Variants in AGAP1 observed in about 807,000 individuals in gnomAD.
The protein encoded by AGAP1 is arf-GAP with GTPase, ANK repeat and PH domain-containing protein 1.
Under a neutral mutation model 105.3 loss-of-function variants are expected in AGAP1, and 29 were observed. That is an observed-to-expected ratio of 0.28 (90% confidence interval 0.21 to 0.38). The LOEUF (loss-of-function observed/expected upper bound fraction) is 0.38. Among genes scored for constraint, AGAP1 ranks in the 10% least tolerant of loss-of-function variants. The pLI, the probability that AGAP1 is intolerant of heterozygous loss-of-function variation, is 1.00. For missense variants in AGAP1, 998 were observed against 1,165.1 expected, an observed-to-expected ratio of 0.86 and a Z score of 2.09; for synonymous variants, 509 against 485.9, an observed-to-expected ratio of 1.05 and a Z score of -0.63.
At chr2:236,016,399 T>A (rs1054630420) in intron 13 of AGAP1, among the ~76,000 whole-genome samples, 1 of 125,046 alleles carries the variant, frequency 8.0e-6, no homozygotes, top group Non-Finnish European at 1.7e-5. Flanking sequence ...TTTTTTTTTT[T>A]TGTATGCATG....
chr2:235,748,528 C>T (rs1009017453), intron 5 of AGAP1, among the ~76,000 whole-genome samples: 8 of 152,160 alleles, frequency 5.3e-5, no homozygotes, highest in African/African-American at 1.4e-4. Context: ...ATCCCTGGAA[C>T]GGGGGTGCAG....
In AGAP1 at chr2:235,927,105, G is replaced by A. The variant is rs2052485051; in HGVS notation, c.1325-3660G>A. On this transcript the variant is annotated intron_variant, in intron 11 of 17. Coordinates refer to ENST00000304032, the MANE Select transcript of AGAP1 (RefSeq NM_001037131.3). This position sits in a 1 kb window ranked among gnomAD's most constrained non-coding sequence, Gnocchi z 4.4. The stretch of plus-strand genomic sequence containing the variant: ...TTGTCCATGTATACACCTTGATGTG[G>A]CCCAAATTCAGTCATGCTGTTTCAG... Among the ~76,000 whole-genome samples, 1 of 152,206 alleles carries A rather than the reference G, an allele frequency of 6.6e-6. No individual in the cohort carries two copies. The highest frequency in any genetic ancestry group is 1.5e-5 in the Non-Finnish European group (1 of 68,040).
At chr2:235,738,990 C>T (rs891262517) in intron 3 of AGAP1, among the ~76,000 whole-genome samples, 26 of 152,144 alleles carry the variant, frequency 1.7e-4, no homozygotes, top group African/African-American at 5.8e-4. Flanking sequence ...ACTTTTCTGT[C>T]GTAAGCAGGC....
chr2:235,509,210 A>C (rs1288754500), intron 1 of AGAP1, among the ~76,000 whole-genome samples: 1 of 151,558 alleles, frequency 6.6e-6, no homozygotes, highest in Non-Finnish European at 1.5e-5. Context: ...CTGTTTAGAG[A>C]AGTGTTTTTT....
chr2:235,928,304 G>A (rs1168483813), intron 11 of AGAP1, among the ~76,000 whole-genome samples: 1 of 152,212 alleles, frequency 6.6e-6, no homozygotes, highest in African/African-American at 2.4e-5. Context: ...ACCTTCGATG[G>A]GTGGATGTGT....
In AGAP1 at chr2:236,049,095, T is replaced by C; in HGVS notation, c.1928T>C (p.Met643Thr). The C allele has an allele frequency of 1.2e-6, 2 of 1,614,234 alleles. No individual in the cohort carries two copies. Among genetic ancestry groups the C allele is most frequent in the South Asian group, 2.2e-5 (2 of 91,084 alleles). ...NWASLNLGALMCIECSGIHRN... is the reference protein window; with the variant it reads ...NWASLNLGALTCIECSGIHRN... ...GCCAGTTTGAACTTGGGAGCCCTCATGTGCATCGAATGCTCAGGGATCCAC... is the reference window on the plus strand; with the variant it reads ...GCCAGTTTGAACTTGGGAGCCCTCACGTGCATCGAATGCTCAGGGATCCAC... The change falls in exon 16 of 18, where the codon ATG (methionine) becomes ACG (threonine). Residue 643 changes from methionine to threonine, a missense_variant. Met to Thr is a moderately conservative substitution (Grantham distance 81). Around this residue, in one of 3 missense-constraint regions of AGAP1, gnomAD observed 28 missense variants for 61.0 expected, o/e 0.46. Coordinates refer to ENST00000304032, the MANE Select transcript of AGAP1 (RefSeq NM_001037131.3).
Position 235,518,937 on chromosome 2 carries a change from AG to A in AGAP1, c.163+24090del, listed in dbSNP as rs1942507558. Among the ~76,000 whole-genome samples, 5 of 152,296 alleles carry A rather than the reference AG, an allele frequency of 3.3e-5. No individual in the cohort carries two copies. The South Asian group carries it at 1.0e-3, about 32-fold the overall frequency. ...CCTCAGTGGCAGGGGCAGCAACAGG[AG>A]GCTGCGGCCAGTTGGCTTCACACTG... On this transcript the variant is annotated intron_variant, in intron 1 of 17. Coordinates refer to ENST00000304032, the MANE Select transcript of AGAP1 (RefSeq NM_001037131.3).
At chr2:235,632,071 ATTC>A (rs1201914197) in intron 1 of AGAP1, among the ~76,000 whole-genome samples, 1 of 152,194 alleles carries the variant, frequency 6.6e-6, no homozygotes, top group African/African-American at 2.4e-5. Flanking sequence ...TAAGAGAAAT[ATTC>A]TTCTGTCTTG....
At chr2:235,819,682 G>A (rs574266641) in intron 9 of AGAP1, among the ~76,000 whole-genome samples, 16 of 152,012 alleles carry the variant, frequency 1.1e-4, no homozygotes, top group African/African-American at 3.1e-4. Context: ...ATGCCCGTCC[G>A]ATCTTGGGAT....
At chr2:235,998,580 A>G (rs2055915259) in intron 13 of AGAP1, among the ~76,000 whole-genome samples, 2 of 149,132 alleles carry the variant, frequency 1.3e-5, no homozygotes, top group Admixed American at 6.7e-5. Context: ...CTTTCTAAAT[A>G]TAAGTCTATG....
intron 9 of AGAP1, among the ~76,000 whole-genome samples, chr2:235,815,701 G>A (rs890367916): frequency 6.6e-6 from 1 of 152,168 alleles, no homozygotes; most frequent in African/African-American, 2.4e-5. Context: ...TACTTGAAGA[G>A]GCCGCATGCG....
Position 236,040,893 on chromosome 2 carries a change from A to G in AGAP1, c.1891+52A>G, listed in dbSNP as rs1480531540. 8 of 1,591,252 alleles carry G rather than the reference A, an allele frequency of 5.0e-6. No homozygotes were observed. Among genetic ancestry groups the G allele is most frequent in the African/African-American group, 1.3e-5 (1 of 74,616 alleles). ...CTGGCGCTGTGTAGCTGGAGACCAC[A>G]TGGTCCCACTAGGCCCGGGTTGCAG... On this transcript the variant is annotated intron_variant, in intron 15 of 17. Transcript: ENST00000304032. This position sits in a 1 kb window ranked among gnomAD's most constrained non-coding sequence, Gnocchi z 5.6.
chr2:235,757,010 C>A (rs1468682643), intron 6 of AGAP1, among the ~76,000 whole-genome samples: 1 of 152,060 alleles, frequency 6.6e-6, no homozygotes, highest in African/African-American at 2.4e-5. Context: ...TTGTTAAATC[C>A]CAGTTCAGAA....
At position 235,557,311 on chromosome 2, in the gene AGAP1, C is replaced by T. The variant is rs1343264292; in HGVS notation, c.163+62462C>T. ...CTTTCATGGGATCACAGTTTGTTCA[C>T]CTTGGAAGCTGTTGCTCACCGCGTG... is the stretch of plus-strand genomic sequence containing the variant. On this transcript the variant is annotated intron_variant, in intron 1 of 17. Coordinates refer to ENST00000304032, the MANE Select transcript of AGAP1 (RefSeq NM_001037131.3). The surrounding 1 kb of genome is among the most constrained non-coding windows in gnomAD (Gnocchi z 4.7). Among the ~76,000 whole-genome samples the T allele has an allele frequency of 1.3e-5, 2 of 152,038 alleles. No individual in the cohort carries two copies. Among genetic ancestry groups the T allele is most frequent in the Non-Finnish European group, 2.9e-5 (2 of 68,006 alleles).
In AGAP1 at chr2:235,792,871, G is replaced by A. The variant is rs1195986315; in HGVS notation, c.674-4888G>A. Among the ~76,000 whole-genome samples, 3 of 152,162 alleles carry A rather than the reference G, an allele frequency of 2.0e-5. No individual in the cohort carries two copies. The highest frequency in any genetic ancestry group is 2.1e-4 in the South Asian group (1 of 4,832). On this transcript the variant is annotated intron_variant, in intron 6 of 17. Transcript: ENST00000304032. The surrounding 1 kb of genome is among the most constrained non-coding windows in gnomAD (Gnocchi z 5.3). The stretch of plus-strand genomic sequence containing the variant: ...AGGCAGAGCTCTTCGTGGCAGTGGC[G>A]ATCCTGGGAGCTCCTGGCACTGAGG...
At chr2:235,886,701 T>A (rs2050292316) in intron 10 of AGAP1, among the ~76,000 whole-genome samples, 1 of 152,224 alleles carries the variant, frequency 6.6e-6, no homozygotes, top group South Asian at 2.1e-4. Context: ...GGAACTGAAA[T>A]TTTTGATGCA....
rs372284047 is a variant in AGAP1, at chr2:235,625,068, C to T, written c.164-84111C>T. 6.6e-6 allele frequency among the ~76,000 whole-genome samples: 1 copy of T among 152,212 alleles called. No homozygotes were observed. The highest frequency in any genetic ancestry group is 2.4e-5 in the African/African-American group (1 of 41,438). On this transcript the variant is annotated intron_variant, in intron 1 of 17. Coordinates refer to ENST00000304032, the MANE Select transcript of AGAP1 (RefSeq NM_001037131.3). This position sits in a 1 kb window ranked among gnomAD's most constrained non-coding sequence, Gnocchi z 4.0. ...AAACTTCTTTTATTAATTACCCAGCCTCAGATATTCCTTTAGAGTAATGCA... is the reference window on the plus strand; with the variant it reads ...AAACTTCTTTTATTAATTACCCAGCTTCAGATATTCCTTTAGAGTAATGCA...
In AGAP1 at chr2:235,596,729, G is replaced by A. The variant is rs1248500996; in HGVS notation, c.163+101880G>A. Among the ~76,000 whole-genome samples the A allele has an allele frequency of 6.6e-6, 1 of 152,194 alleles. No homozygotes were observed. Among genetic ancestry groups the A allele is most frequent in the East Asian group, 1.9e-4 (1 of 5,196 alleles). The stretch of plus-strand genomic sequence containing the variant: ...AATCAGCTTTCACTCTTCCTCTCTT[G>A]TGCCCCAGTCCTAGTGATGAGAAAA... On this transcript the variant is annotated intron_variant, in intron 1 of 17. Transcript: ENST00000304032. This position sits in a 1 kb window ranked among gnomAD's most constrained non-coding sequence, Gnocchi z 5.9.
At chr2:235,583,638 A>G (rs1574901151) in intron 1 of AGAP1, among the ~76,000 whole-genome samples, 1 of 130,752 alleles carries the variant, frequency 7.6e-6, no homozygotes, top group Admixed American at 8.7e-5. Flanking sequence ...GCACTTTGGG[A>G]GGCTGAGGCA....
Sources: allele counts gnomAD v4.1 joint callset (sites outside exome capture counted in the v4.1 genomes callset), GRCh38; gene constraint gnomAD v4.1.1; regional missense constraint gnomAD v4.1.1; non-coding constraint Gnocchi (gnomAD v3.1); transcripts MANE v1.5; gene names NCBI Gene and HGNC (gene_info 2026-07-23, HGNC 2026-07-21).